TAS2R1: variants seen among roughly 807,000 people sequenced by gnomAD.
TAS2R1 encodes taste receptor type 2 member 1.
For missense variants in TAS2R1, 370 were observed against 353.4 expected, an observed-to-expected ratio of 1.05 and a Z score of -0.38; for synonymous variants, 141 against 134.2, an observed-to-expected ratio of 1.05 and a Z score of -0.35.
At chr5:9,860,232 A>G in the TAS2R1 span, among the ~76,000 whole-genome samples, 2 of 152,232 alleles carry the variant, frequency 1.3e-5, no homozygotes, top group African/African-American at 2.4e-5. Context: ...GGTGAAGGTC[A>G]AGTAACATTT....
chr5:9,714,090 C>T (rs1442419652), upstream of TAS2R1: 2 of 152,182 alleles, frequency 1.3e-5, no homozygotes, highest in Non-Finnish European at 2.9e-5. Flanking sequence ...CAAATGCCTC[C>T]TACAGTATCT....
intron 1 of TAS2R1, among the ~76,000 whole-genome samples, chr5:9,681,388 A>G (rs1040783022): frequency 2.0e-5 from 3 of 151,862 alleles, no homozygotes; most frequent in Non-Finnish European, 4.4e-5. Flanking sequence ...GATAATGAAA[A>G]TTTCCTTTAA....
At chr5:9,800,381 T>C in the TAS2R1 span, among the ~76,000 whole-genome samples, 1 of 152,218 alleles carries the variant, frequency 6.6e-6, no homozygotes, top group African/African-American at 2.4e-5. Flanking sequence ...AACACAGGTT[T>C]CCAATGTAAT....
the TAS2R1 span, among the ~76,000 whole-genome samples, chr5:9,888,851 A>T: frequency 6.6e-6 from 1 of 152,214 alleles, no homozygotes; most frequent in African/African-American, 2.4e-5. Context: ...AAGCAAGGAT[A>T]ATGCCAAGAT....
intron 1 of TAS2R1, among the ~76,000 whole-genome samples, chr5:9,709,537 G>T (rs922641620): frequency 6.6e-6 from 1 of 152,164 alleles, no homozygotes; most frequent in African/African-American, 2.4e-5. Context: ...AAAAGAACAT[G>T]GCAGAAGTGG....
chr5:9,647,788 T>A (rs1579766661), intron 2 of TAS2R1, among the ~76,000 whole-genome samples: 1 of 152,314 alleles, frequency 6.6e-6, no homozygotes, highest in Non-Finnish European at 1.5e-5. Context: ...CAAATCTGAA[T>A]GTTGTCTTGT....
chr5:9,722,747 T>C, the TAS2R1 span, among the ~76,000 whole-genome samples: 1 of 152,226 alleles, frequency 6.6e-6, no homozygotes. Flanking sequence ...CTCCTGGTAT[T>C]TAGAATGTTC....
the TAS2R1 span, among the ~76,000 whole-genome samples, chr5:9,749,575 C>T: frequency 6.6e-6 from 1 of 152,176 alleles, no homozygotes; most frequent in Non-Finnish European, 1.5e-5. Context: ...CAAAATCCCT[C>T]TATGCATTAA....
At chr5:9,830,182 T>TGGATGGACGGAC in the TAS2R1 span, among the ~76,000 whole-genome samples, 1 of 146,754 alleles carries the variant, frequency 6.8e-6, no homozygotes, top group Non-Finnish European at 1.5e-5. Context: ...ACAGATTGGA[T>TGGATGGACGGAC]GGATGGATGG....
intron 1 of TAS2R1, among the ~76,000 whole-genome samples, chr5:9,702,610 T>TA (rs1741513876): frequency 6.6e-6 from 1 of 152,220 alleles, no homozygotes; most frequent in Non-Finnish European, 1.5e-5. Context: ...GTTAAATAGT[T>TA]ACTGTTTCAA....
At chr5:9,751,077 T>G in the TAS2R1 span, among the ~76,000 whole-genome samples, 1 of 151,410 alleles carries the variant, frequency 6.6e-6, no homozygotes. Context: ...CTGGATGTCT[T>G]TGGCCACATC....
the TAS2R1 span, among the ~76,000 whole-genome samples, chr5:9,770,106 GT>G: frequency 6.6e-6 from 1 of 152,084 alleles, no homozygotes; most frequent in Non-Finnish European, 1.5e-5. Flanking sequence ...GCAAGATGGG[GT>G]CTAGTATTGT....
At chr5:9,896,225 G>A in the TAS2R1 span, among the ~76,000 whole-genome samples, 9 of 152,222 alleles carry the variant, frequency 5.9e-5, no homozygotes, top group South Asian at 1.7e-3. Context: ...GGGACTTCAC[G>A]AATCTTACAG....
the TAS2R1 span, among the ~76,000 whole-genome samples, chr5:9,857,460 T>C: frequency 1.3e-5 from 2 of 152,302 alleles, no homozygotes; most frequent in East Asian, 1.9e-4. Flanking sequence ...GAAGAGTAGC[T>C]AATGGATGTG....
At chr5:9,694,052 G>T (rs1196211093) in intron 1 of TAS2R1, among the ~76,000 whole-genome samples, 1 of 152,130 alleles carries the variant, frequency 6.6e-6, no homozygotes, top group Admixed American at 6.6e-5. Context: ...TTTTAACAAA[G>T]CTATTACTGG....
the TAS2R1 span, among the ~76,000 whole-genome samples, chr5:9,735,359 T>G: frequency 6.6e-6 from 1 of 151,448 alleles, no homozygotes; most frequent in Admixed American, 6.6e-5. Context: ...TGAAAAAAAT[T>G]TATGAGTTTT....
At chr5:9,833,286 A>G in the TAS2R1 span, among the ~76,000 whole-genome samples, 1 of 152,172 alleles carries the variant, frequency 6.6e-6, no homozygotes, top group Non-Finnish European at 1.5e-5. Flanking sequence ...CTTTGTAGCT[A>G]TCTTATTTAG....
the TAS2R1 span, among the ~76,000 whole-genome samples, chr5:9,729,643 CAATT>C: frequency 6.6e-6 from 1 of 152,070 alleles, no homozygotes; most frequent in African/African-American, 2.4e-5. Flanking sequence ...TGAATGGAGA[CAATT>C]AGTTTAAAGC....
chr5:9,655,681 T>C (rs189887116), intron 2 of TAS2R1, among the ~76,000 whole-genome samples: 55 of 152,162 alleles, frequency 3.6e-4, no homozygotes, highest in African/African-American at 1.3e-3. Flanking sequence ...ATACTGTATA[T>C]TTGGATTTTT....
Sources: allele counts gnomAD v4.1 joint callset (sites outside exome capture counted in the v4.1 genomes callset), GRCh38; gene constraint gnomAD v4.1.1; transcripts MANE v1.5; gene names NCBI Gene and HGNC (gene_info 2026-07-23, HGNC 2026-07-21).